Variants in SLC19A3 observed in about 807,000 individuals in gnomAD.
The protein encoded by SLC19A3 is thiamine transporter 2.
A neutral mutation model predicts 40.2 loss-of-function variants in SLC19A3; 31 were observed. That is an observed-to-expected ratio of 0.77 (90% CI 0.58 to 1.04). The LOEUF (loss-of-function observed/expected upper bound fraction) is 1.04. Among genes scored for constraint, SLC19A3 ranks in the 50% least tolerant of loss-of-function variants. The probability of loss-of-function intolerance (pLI) is 0.00; values close to 1 mark genes in which losing one functional copy is unlikely to be tolerated. For synonymous variants in SLC19A3, 212 were observed against 227.5 expected (o/e 0.93, Z 0.61); for missense variants, 592 against 596.7 (o/e 0.99, Z 0.08).
At chr2:227,697,623 A>C (rs1373245353) in intron 3 of SLC19A3, among the ~76,000 whole-genome samples, 1 of 152,214 alleles carries the variant, frequency 6.6e-6, no homozygotes, top group Non-Finnish European at 1.5e-5. Flanking sequence ...TTTATTTTCT[A>C]AAATAATGAA....
At chr2:227,713,790 T>C (rs942597266) in intron 1 of SLC19A3, among the ~76,000 whole-genome samples, 16 of 97,502 alleles carry the variant, frequency 1.6e-4, no homozygotes, top group Non-Finnish European at 4.0e-4. Context: ...TCAACAAAGA[T>C]GATTTGAAAA....
At chr2:227,713,045 C>T (rs1438777356) in intron 1 of SLC19A3, among the ~76,000 whole-genome samples, 5 of 152,132 alleles carry the variant, frequency 3.3e-5, no homozygotes, top group Non-Finnish European at 7.3e-5. Context: ...TTATAATATA[C>T]ATTTTCTTAT....
Position 227,702,239 on chromosome 2 carries a change from A to C in SLC19A3, c.80T>G (p.Met27Arg). The C allele has an allele frequency of 1.2e-6, 2 of 1,613,962 alleles. No individual in the cohort carries two copies. Among genetic ancestry groups the C allele is most frequent in the South Asian group, 2.2e-5 (2 of 91,086 alleles). Residue 27 changes from methionine (M) to arginine (R), a missense_variant, in exon 2 of 6, where the codon ATG (methionine) becomes AGG (arginine). Coordinates refer to ENST00000644224, the MANE Select transcript of SLC19A3 (RefSeq NM_025243.4). ...VILCLFGFFS[M>R]MRPSEPFLIP... ...AAGGAATGGTTCTGAGGGTCTCATC[A>C]TGGAGAAAAAACCAAATAAGCAGAG...
chr2:227,687,140 C>T lies in SLC19A3; in HGVS notation c.*257G>A, dbSNP rs1046056350. ...ACAAGTGATAAAAACCAGAATTTTC[C>T]AGCTGCTACTAGTCACAGGGGGTCC... is the stretch of plus-strand genomic sequence containing the variant. On this transcript the variant is annotated 3_prime_UTR_variant, in exon 6 of 6. Coordinates refer to ENST00000644224, the MANE Select transcript of SLC19A3 (RefSeq NM_025243.4). 2.8e-6 allele frequency: 1 copy of T among 353,154 alleles called. No individual in the cohort carries two copies. The highest frequency in any genetic ancestry group is 4.4e-5 in the Admixed American group (1 of 22,812). 21.9% of individuals were successfully genotyped at this position (353,154 alleles called of 1,614,324 possible).
intron 1 of SLC19A3, among the ~76,000 whole-genome samples, chr2:227,713,859 T>A (rs2106343990): frequency 6.6e-6 from 1 of 151,422 alleles, no homozygotes; most frequent in Middle Eastern, 3.4e-3. Context: ...TCAAACATTA[T>A]CCTGTGTACA....
At chr2:227,701,013 T>C (rs1429184160) in intron 2 of SLC19A3, 2 of 1,304,306 alleles carry the variant, frequency 1.5e-6, no homozygotes, top group South Asian at 1.2e-5. Flanking sequence ...TGTTAACTGG[T>C]CCACAGTGGC....
chr2:227,690,035 A>G (rs1695160905), intron 4 of SLC19A3, among the ~76,000 whole-genome samples: 1 of 152,196 alleles, frequency 6.6e-6, no homozygotes, highest in Non-Finnish European at 1.5e-5. Context: ...AAGAAATTAA[A>G]TTATATCACC....
At chr2:227,693,571 A>T (rs1559245683) in intron 4 of SLC19A3, among the ~76,000 whole-genome samples, 1 of 152,216 alleles carries the variant, frequency 6.6e-6, no homozygotes, top group East Asian at 1.9e-4. Context: ...CCTATCTCTC[A>T]CTATATACAA....
At chr2:227,704,136 T>C (rs1253970353) in intron 1 of SLC19A3, among the ~76,000 whole-genome samples, 2 of 152,132 alleles carry the variant, frequency 1.3e-5, no homozygotes, top group African/African-American at 4.8e-5. Context: ...AACAAACCAC[T>C]ACAGTCTACT....
In SLC19A3 at chr2:227,701,182, C is replaced by T. The variant is rs79654614; in HGVS notation, c.150+987G>A. On this transcript the variant is annotated intron_variant, in intron 2 of 5. Transcript: ENST00000644224. ...AAGAAGCTTGCCTTTCTGTCTTTGC[C>T]ACCTCACCACCCGAGGCACCCATCA... The T allele has an allele frequency of 9.2e-3, 9,469 of 1,027,618 alleles. 590 individuals are homozygous for T. In the African/African-American group the frequency reaches 0.15, roughly 16 times the overall value. The allele number at this position is 1,027,618 out of a possible 1,614,324, so 63.7% of individuals were successfully genotyped here. A position where few individuals can be genotyped will look rare whatever the true frequency, so the allele number is the denominator to read the frequency against.
chr2:227,702,547 C>T (rs1242170033), intron 1 of SLC19A3: 6 of 505,930 alleles, frequency 1.2e-5, no homozygotes, highest in Non-Finnish European at 1.8e-5. Flanking sequence ...GTGCCTGCCA[C>T]CATGACTGGA....
At position 227,699,174 on chromosome 2, in the gene SLC19A3, A is replaced by G. The variant is rs773971505; in HGVS notation, c.541T>C (p.Ser181Pro). The G allele has an allele frequency of 4.5e-5, 73 of 1,614,060 alleles. No homozygotes were observed. Among genetic ancestry groups the G allele is most frequent in the Non-Finnish European group, 3.4e-6 (4 of 1,180,050 alleles). ...AAAAGTGAGAAAAGGAAAGCCACGG[A>G]GACAGAGGCCAAGGATATGACGTTG... ...YLNVISLASV[S>P]VAFLFSLFLP... Residue 181 changes from serine to proline, a missense_variant, in exon 3 of 6, where the codon TCC becomes CCC. By Grantham distance (74) the Ser-to-Pro change is moderately conservative. Coordinates refer to ENST00000644224, the MANE Select transcript of SLC19A3 (RefSeq NM_025243.4).
chr2:227,712,938 C>T (rs115945710), intron 1 of SLC19A3, among the ~76,000 whole-genome samples: 46 of 152,204 alleles, frequency 3.0e-4, no homozygotes, highest in African/African-American at 1.0e-3. Flanking sequence ...TGCAATAGAG[C>T]GCAGGGGAAC....
chr2:227,716,827 A>C (rs1696349238), intron 1 of SLC19A3, among the ~76,000 whole-genome samples: 1 of 152,132 alleles, frequency 6.6e-6, no homozygotes, highest in African/African-American at 2.4e-5. Context: ...TGACTGAAGG[A>C]AATTGGTATT....
At chr2:227,706,037 G>T (rs916873351) in intron 1 of SLC19A3, among the ~76,000 whole-genome samples, 1 of 145,304 alleles carries the variant, frequency 6.9e-6, no homozygotes, top group Non-Finnish European at 1.5e-5. Flanking sequence ...GACAGAGTGA[G>T]ATCCTGTCTG....
intron 1 of SLC19A3, among the ~76,000 whole-genome samples, chr2:227,704,160 G>A (rs919928036): frequency 6.6e-6 from 1 of 152,082 alleles, no homozygotes; most frequent in African/African-American, 2.4e-5. Flanking sequence ...AGAAGGGTAA[G>A]GGTGAAAAGA....
At chr2:227,716,993 C>CT (rs61164911) in intron 1 of SLC19A3, among the ~76,000 whole-genome samples, 6,040 of 67,154 alleles carry the variant, frequency 0.09, 1,170 homozygotes, top group South Asian at 0.12. Context: ...CATGAGAGTG[C>CT]TTTTTTTTTT....
chr2:227,693,613 C>A (rs1374471368), intron 4 of SLC19A3, among the ~76,000 whole-genome samples: 1 of 152,162 alleles, frequency 6.6e-6, no homozygotes, highest in African/African-American at 2.4e-5. Context: ...TGACTTAAAT[C>A]TAAGACCTCA....
intron 1 of SLC19A3, chr2:227,714,363 T>A (rs1173555822): frequency 1.1e-6 from 1 of 927,826 alleles, no homozygotes; most frequent in Non-Finnish European, 1.3e-6. Context: ...ATAAACCTTG[T>A]AAGTCTGGCC....
Sources: gnomAD v4.1 joint callset for allele counts (sites outside exome capture counted in the v4.1 genomes callset) on GRCh38, gnomAD v4.1.1 for gene constraint, MANE v1.5 for transcripts, NCBI Gene and HGNC (gene_info 2026-07-23, HGNC 2026-07-21) for gene names.